Variants in PACS1 observed in about 807,000 individuals in gnomAD.
The protein encoded by PACS1 is phosphofurin acidic cluster sorting protein 1.
In PACS1, 24 loss-of-function variants were observed where a neutral mutation model predicts 115.0. That is an observed-to-expected ratio of 0.21 (90% CI 0.15 to 0.29). PACS1 has a LOEUF of 0.29. PACS1 is among the 10% of genes least tolerant of loss of function. The pLI is 1.00. For synonymous variants in PACS1, 453 were observed against 504.5 expected, an observed-to-expected ratio of 0.90 and a Z score of 1.37; for missense variants, 838 against 1,251.2, an observed-to-expected ratio of 0.67 and a Z score of 4.98.
intron 1 of PACS1, among the ~76,000 whole-genome samples, chr11:66,123,811 G>A (rs1174824577): frequency 3.3e-5 from 5 of 151,460 alleles, no homozygotes; most frequent in African/African-American, 7.3e-5. Flanking sequence ...GTGAGCCACC[G>A]CACCCAGCCC....
intron 1 of PACS1, among the ~76,000 whole-genome samples, chr11:66,123,681 C>A (rs1858502225): frequency 1.3e-5 from 2 of 151,876 alleles, no homozygotes; most frequent in African/African-American, 2.4e-5. Context: ...GCCACCGCGC[C>A]CGGCTAATTT....
chr11:66,121,310 C>T (rs564955981), intron 1 of PACS1, among the ~76,000 whole-genome samples: 1 of 152,180 alleles, frequency 6.6e-6, no homozygotes, highest in African/African-American at 2.4e-5. Context: ...GCCATTCCCC[C>T]ATCTCTCTTC....
chr11:66,164,481 T>C (rs1859555041), intron 1 of PACS1, among the ~76,000 whole-genome samples: 1 of 146,904 alleles, frequency 6.8e-6, no homozygotes, highest in Non-Finnish European at 1.5e-5. Flanking sequence ...TCCCAGCTAC[T>C]GGGGAGGCTG....
chr11:66,128,696 C>T (rs1317942452), intron 1 of PACS1, among the ~76,000 whole-genome samples: 3 of 151,918 alleles, frequency 2.0e-5, no homozygotes, highest in Non-Finnish European at 4.4e-5. Flanking sequence ...CCAGCCTGGC[C>T]AACATGGGGA....
chr11:66,148,182 T>C lies in PACS1; in HGVS notation c.357-45304T>C, dbSNP rs183933433. 4.2e-4 allele frequency among the ~76,000 whole-genome samples: 64 copies of C among 152,172 alleles called. 1 individual carries two copies. Among genetic ancestry groups the C allele is most frequent in the Admixed American group, 7.9e-4 (12 of 15,284 alleles). On this transcript the variant is annotated intron_variant, in intron 1 of 23. Coordinates refer to ENST00000320580, the MANE Select transcript of PACS1 (RefSeq NM_018026.4). ...ATTATTATTATTTTTTGAGACAGAG[T>C]CTCACTCTATTGCCCAGGCTAGAGT...
At chr11:66,092,555 T>C (rs1306607569) in intron 1 of PACS1, among the ~76,000 whole-genome samples, 5 of 151,808 alleles carry the variant, frequency 3.3e-5, no homozygotes, top group Non-Finnish European at 7.4e-5. Flanking sequence ...TTTTGGCTTT[T>C]GTTGCCATTG....
chr11:66,166,845 C>A (rs1859615718), intron 1 of PACS1, among the ~76,000 whole-genome samples: 1 of 150,214 alleles, frequency 6.7e-6, no homozygotes, highest in African/African-American at 2.5e-5. Context: ...CTAAGAGCAA[C>A]CCTATGAGTT....
chr11:66,185,286 G>A (rs2134661507), intron 1 of PACS1, among the ~76,000 whole-genome samples: 1 of 152,320 alleles, frequency 6.6e-6, no homozygotes, highest in South Asian at 2.1e-4. Context: ...GAATGCCTAT[G>A]TAGAGAGGAA....
chr11:66,159,601 G>C (rs114208583), intron 1 of PACS1, among the ~76,000 whole-genome samples: 2,006 of 152,266 alleles, frequency 0.013, 38 homozygotes, highest in African/African-American at 0.045. Context: ...AGGTTTTTCA[G>C]TTTTGGGGGT....
chr11:66,122,115 A>G (rs1858457724), intron 1 of PACS1, among the ~76,000 whole-genome samples: 1 of 152,216 alleles, frequency 6.6e-6, no homozygotes, highest in Non-Finnish European at 1.5e-5. Context: ...TTTAAGTTGA[A>G]GCCAATGCTC....
chr11:66,116,844 C>T (rs754208514), intron 1 of PACS1, among the ~76,000 whole-genome samples: 6 of 149,448 alleles, frequency 4.0e-5, no homozygotes, highest in East Asian at 2.1e-4. Context: ...GAGCTAAGAT[C>T]GTGCAACTGC....
intron 1 of PACS1, among the ~76,000 whole-genome samples, chr11:66,076,654 A>G (rs770269952): frequency 2.6e-5 from 4 of 152,158 alleles, no homozygotes; most frequent in East Asian, 1.9e-4. Flanking sequence ...CGGCCTCCCA[A>G]AGTGCTGGGA....
At chr11:66,211,064 G>A (rs1178919638) in intron 3 of PACS1, 70 bp from the exon 4 acceptor site, 3 of 1,558,442 alleles carry the variant, frequency 1.9e-6, no homozygotes, top group African/African-American at 2.7e-5. Flanking sequence ...GAAAGACTGT[G>A]TGTCCTCCAG....
intron 1 of PACS1, among the ~76,000 whole-genome samples, chr11:66,101,752 A>C (rs138795944): frequency 1.3e-5 from 2 of 152,276 alleles, no homozygotes; most frequent in East Asian, 3.9e-4. Flanking sequence ...AGTTGAATAC[A>C]TAGGAGCAGG....
At chr11:66,201,309 A>G (rs1435769379) in intron 2 of PACS1, among the ~76,000 whole-genome samples, 2 of 152,224 alleles carry the variant, frequency 1.3e-5, no homozygotes, top group East Asian at 1.9e-4. Flanking sequence ...TTTGAAAGCA[A>G]TAGGCACACA....
At chr11:66,167,797 TC>T (rs1250375206) in intron 1 of PACS1, among the ~76,000 whole-genome samples, 1 of 150,388 alleles carries the variant, frequency 6.6e-6, no homozygotes, top group Non-Finnish European at 1.5e-5. Flanking sequence ...TTATATTGTT[TC>T]TGCATGATTG....
intron 19 of PACS1, chr11:66,237,933 C>A: frequency 3.1e-6 from 1 of 326,942 alleles, no homozygotes; most frequent in Non-Finnish European, 4.4e-6. Flanking sequence ...CAACCACCTG[C>A]AGGCCTGTGC....
chr11:66,167,379 C>T (rs1859633075), intron 1 of PACS1, among the ~76,000 whole-genome samples: 1 of 135,128 alleles, frequency 7.4e-6, no homozygotes. Context: ...CTCTGTGATC[C>T]AGGCTGGAGT....
intron 1 of PACS1, among the ~76,000 whole-genome samples, chr11:66,143,434 C>T (rs1255022737): frequency 2.6e-5 from 4 of 152,118 alleles, no homozygotes; most frequent in African/African-American, 7.2e-5. Flanking sequence ...CTGCTTGATG[C>T]CAACGTGCTG....
Sources: allele counts gnomAD v4.1 joint callset (sites outside exome capture counted in the v4.1 genomes callset), GRCh38; gene constraint gnomAD v4.1.1; transcripts MANE v1.5; gene names NCBI Gene and HGNC (gene_info 2026-07-23, HGNC 2026-07-21).